Variants in GAK observed in about 807,000 individuals in gnomAD.
GAK encodes cyclin-G-associated kinase.
Under a neutral mutation model 143.9 loss-of-function variants are expected in GAK, and 79 were observed. The ratio of observed to expected loss-of-function variants is 0.55; its 90% CI spans 0.46 to 0.66. The LOEUF (loss-of-function observed/expected upper bound fraction) is 0.66, where lower values mean the gene tolerates loss of function less well. Ranked by LOEUF, GAK falls within the 30% of genes least tolerant of loss-of-function variation. GAK has a pLI of 0.00. For synonymous variants in GAK, 881 were observed against 765.5 expected, an observed-to-expected ratio of 1.15 and a Z score of -2.49; for missense variants, 1,693 against 1,779.7, an observed-to-expected ratio of 0.95 and a Z score of 0.88.
At chr4:917,682 G>C (rs553156197) in intron 1 of GAK, among the ~76,000 whole-genome samples, 2 of 152,382 alleles carry the variant, frequency 1.3e-5, no homozygotes, top group East Asian at 3.9e-4. Flanking sequence ...CCGTGGCGCT[G>C]ACGCACATGT....
At chr4:865,395 A>T in intron 22 of GAK, 151 bp from the exon 23 acceptor site, 1 of 942,784 alleles carries the variant, frequency 1.1e-6, no homozygotes, top group South Asian at 1.5e-5. Context: ...TCTCTTCCTG[A>T]AGGGTCCTGA....
chr4:902,415 G>T (rs1720038806), intron 5 of GAK, among the ~76,000 whole-genome samples: 1 of 151,308 alleles, frequency 6.6e-6, no homozygotes, highest in Non-Finnish European at 1.5e-5. Flanking sequence ...GACCAGCTTG[G>T]GCAACATGGT....
In GAK at chr4:877,796, T is replaced by C. The variant is rs1013760980; in HGVS notation, c.1675A>G (p.Met559Val). The C allele has an allele frequency of 1.8e-5, 28 of 1,599,076 alleles. No homozygotes were observed. Among genetic ancestry groups the C allele is most frequent in the Non-Finnish European group, 2.4e-5 (28 of 1,171,684 alleles). The change falls in exon 16 of 28, where the codon ATG (methionine) becomes GTG (valine). Residue 559 changes from methionine (M) to valine (V), a missense_variant. Met to Val is a conservative substitution (Grantham distance 21). Around this residue, in one of 2 missense-constraint regions of GAK, gnomAD observed 871 missense variants for 991.0 expected, o/e 0.88. Coordinates refer to ENST00000314167, the MANE Select transcript of GAK (RefSeq NM_005255.4). ...WPSHKRYIEY[M>V]CDMVAEEPIT... ...GGCTCCTCCGCCACCATGTCACACA[T>C]GTACTCGATGTACCTGGGGGCAGAC...
chr4:916,202 A>T (rs1312640000), intron 1 of GAK, among the ~76,000 whole-genome samples: 1 of 152,258 alleles, frequency 6.6e-6, no homozygotes, highest in Non-Finnish European at 1.5e-5. Flanking sequence ...AAGTTTTGCA[A>T]ATCATATACC....
chr4:879,703 G>T (rs1199388119), intron 15 of GAK, among the ~76,000 whole-genome samples: 3 of 152,088 alleles, frequency 2.0e-5, no homozygotes, highest in Non-Finnish European at 2.9e-5. Context: ...TTGAACCTGT[G>T]GACTGGTATC....
At chr4:913,762 C>T in intron 1 of GAK, 94 bp from the exon 2 acceptor site, 1 of 1,114,330 alleles carries the variant, frequency 9.0e-7, no homozygotes. Flanking sequence ...TACAAATTGA[C>T]TTGTGGCGTG....
At chr4:914,680 C>G (rs1236989845) in intron 1 of GAK, among the ~76,000 whole-genome samples, 2 of 122,638 alleles carry the variant, frequency 1.6e-5, no homozygotes, top group East Asian at 5.3e-4. Flanking sequence ...CGTGCACAGC[C>G]CCACCCCCAA....
At chr4:884,455 G>T (rs1028300620) in intron 11 of GAK, 26 of 250,812 alleles carry the variant, frequency 1.0e-4, no homozygotes, top group Non-Finnish European at 7.8e-6. Context: ...GAGAGCAAGG[G>T]TGGCTTGGAC....
chr4:900,507 C>G lies in GAK; in HGVS notation c.526-2349G>C, dbSNP rs117226382. Among the ~76,000 whole-genome samples, 35 of 152,272 alleles carry G rather than the reference C, an allele frequency of 2.3e-4. 1 individual carries two copies. In the East Asian group the frequency reaches 6.8e-3, roughly 29 times the overall value. On this transcript the variant is annotated intron_variant, in intron 5 of 27. Transcript: ENST00000314167. ...TTCTGTTCTCCTTAAAATACACACT[C>G]AAGCCCCGCTACACGACCCATCACA... is the stretch of plus-strand genomic sequence containing the variant.
At position 867,139 on chromosome 4, in the gene GAK, G is replaced by A. The variant is rs571457670; in HGVS notation, c.2689C>T (p.Pro897Ser). The A allele has an allele frequency of 8.2e-6, 13 of 1,590,178 alleles. No individual in the cohort carries two copies. In the East Asian group the frequency reaches 1.1e-4, roughly 14 times the overall value. ...GAGGGGGCCTTGCAGGCCTGCGGGGGTACAGCTGGCCCTGCGCCCACCTCG... is the reference window on the plus strand; with the variant it reads ...GAGGGGGCCTTGCAGGCCTGCGGGGATACAGCTGGCCCTGCGCCCACCTCG... ...HSEVGAGPAV[P>S]PQACKAPSSN... The change falls in exon 21 of 28, where the codon CCC becomes TCC. Residue 897 changes from proline (P) to serine (S), a missense_variant. By Grantham distance (74) the Pro-to-Ser change is moderately conservative. Transcript: ENST00000314167.
chr4:907,893 G>C (rs985900062), intron 4 of GAK, among the ~76,000 whole-genome samples: 1 of 152,182 alleles, frequency 6.6e-6, no homozygotes, highest in Admixed American at 6.5e-5. Context: ...GCGTTAGTCT[G>C]CCTCGTGTAT....
At chr4:882,928 T>C (rs1159692720) in intron 13 of GAK, 109 bp from the exon 14 acceptor site, 2 of 1,419,698 alleles carry the variant, frequency 1.4e-6, no homozygotes, top group South Asian at 1.3e-5. Context: ...CCAGCTGGTG[T>C]CATGAACAGG....
rs771508572 is a variant in GAK at position 884,020 on chromosome 4, T to G, written c.1255+17A>C. 6.2e-7 allele frequency: 1 copy of G among 1,611,428 alleles called. No individual in the cohort carries two copies. The highest frequency in any genetic ancestry group is 2.2e-5 in the East Asian group (1 of 44,866). On this transcript the variant is annotated intron_variant, in intron 12 of 27. Transcript: ENST00000314167. ...AAGGGCCGGGGCGCGTCCCACAGCC[T>G]CATGTGGCACGCATACCTGCAATTC... is the stretch of plus-strand genomic sequence containing the variant.
chr4:924,060 C>T lies in GAK; in HGVS notation c.145+7983G>A, dbSNP rs374754550. Among the ~76,000 whole-genome samples the T allele has an allele frequency of 1.5e-4, 22 of 151,042 alleles. 1 individual carries two copies. Among genetic ancestry groups the T allele is most frequent in the African/African-American group, 4.9e-4 (20 of 41,106 alleles). ...ATTAGCTGGGCATGGTGGTGCATGC[C>T]TTTAATCCCAGCTAGTTGGGAGGCT... is the stretch of plus-strand genomic sequence containing the variant. On this transcript the variant is annotated intron_variant, in intron 1 of 27. Coordinates refer to ENST00000314167, the MANE Select transcript of GAK (RefSeq NM_005255.4).
intron 24 of GAK, among the ~76,000 whole-genome samples, chr4:858,729 C>T (rs1190041035): frequency 6.6e-6 from 1 of 152,210 alleles, no homozygotes; most frequent in African/African-American, 2.4e-5. Flanking sequence ...GACTCAAAGC[C>T]AGCCCGGGAG....
At chr4:859,056 G>A (rs1310088036) in intron 24 of GAK, 1 of 544,742 alleles carries the variant, frequency 1.8e-6, no homozygotes, top group Non-Finnish European at 2.3e-6. Context: ...ACCCCAGGGG[G>A]ATGCATCTTG....
chr4:888,593 G>C (rs1717017055), intron 11 of GAK: 3 of 496,134 alleles, frequency 6.0e-6, no homozygotes, highest in Non-Finnish European at 1.1e-5. Context: ...TGCAGCAAGG[G>C]AGGGGAGGGC....
At chr4:926,758 G>A (rs1724814187) in intron 1 of GAK, among the ~76,000 whole-genome samples, 1 of 152,044 alleles carries the variant, frequency 6.6e-6, no homozygotes, top group South Asian at 2.1e-4. Flanking sequence ...GCAGAATCTG[G>A]GCCTCACAGG....
intron 1 of GAK, among the ~76,000 whole-genome samples, chr4:916,554 AAT>A (rs1723115575): frequency 6.6e-6 from 1 of 152,246 alleles, no homozygotes; most frequent in Non-Finnish European, 1.5e-5. Flanking sequence ...AAAAGATATG[AAT>A]AGACACATCA....
Sources: gnomAD v4.1 joint callset for allele counts (sites outside exome capture counted in the v4.1 genomes callset) on GRCh38, gnomAD v4.1.1 for gene constraint, gnomAD v4.1.1 regional missense constraint, MANE v1.5 for transcripts, NCBI Gene and HGNC (gene_info 2026-07-23, HGNC 2026-07-21) for gene names.